Variants in ASIC2 observed in about 807,000 individuals in gnomAD.
ASIC2 encodes the protein acid sensing ion channel subunit 2.
A neutral mutation model predicts 57.3 loss-of-function variants in ASIC2; 25 were observed. That is an observed-to-expected ratio of 0.44 (90% CI 0.32 to 0.61). The LOEUF (loss-of-function observed/expected upper bound fraction) is 0.61, where lower values mean the gene tolerates loss of function less well. ASIC2 is among the 20% of genes least tolerant of loss of function. ASIC2 has a pLI of 0.06. For synonymous variants in ASIC2, 319 were observed against 307.5 expected, an observed-to-expected ratio of 1.04 and a Z score of -0.39; for missense variants, 641 against 738.1, an observed-to-expected ratio of 0.87 and a Z score of 1.52.
chr17:33,049,897 G>A (rs919673623), intron 3 of ASIC2, among the ~76,000 whole-genome samples: 3 of 152,146 alleles, frequency 2.0e-5, no homozygotes, highest in Non-Finnish European at 4.4e-5. Context: ...GGCAAGGTGG[G>A]TGGGACAGGG....
At chr17:33,287,226 A>C (rs1905229378) in intron 1 of ASIC2, among the ~76,000 whole-genome samples, 1 of 152,160 alleles carries the variant, frequency 6.6e-6, no homozygotes, top group Non-Finnish European at 1.5e-5. Flanking sequence ...AGGCTCATGG[A>C]GCAAAGTGTC....
At chr17:33,639,778 AG>A (rs1159333065) in intron 1 of ASIC2, among the ~76,000 whole-genome samples, 74 of 151,074 alleles carry the variant, frequency 4.9e-4, no homozygotes, top group African/African-American at 1.6e-3. Context: ...AAAAAAAAAA[AG>A]CGGAACAAAG....
chr17:34,064,767 CAT>C (rs1165822669), intron 1 of ASIC2, among the ~76,000 whole-genome samples: 2 of 152,146 alleles, frequency 1.3e-5, no homozygotes, highest in Non-Finnish European at 2.9e-5. Flanking sequence ...GCCCAACAAA[CAT>C]ATGAAAAAAT....
At chr17:33,246,229 G>A (rs1338940611) in intron 1 of ASIC2, among the ~76,000 whole-genome samples, 3 of 152,156 alleles carry the variant, frequency 2.0e-5, no homozygotes, top group East Asian at 1.9e-4. Context: ...ATGTGGTGGT[G>A]GGGGGAAGGG....
chr17:34,092,184 C>G (rs566085213), intron 1 of ASIC2, among the ~76,000 whole-genome samples: 3 of 152,274 alleles, frequency 2.0e-5, no homozygotes, highest in Non-Finnish European at 4.4e-5. Flanking sequence ...AACCTTTTGG[C>G]TCCGGGGCCA....
chr17:33,549,060 T>C (rs547242472), intron 1 of ASIC2, among the ~76,000 whole-genome samples: 1 of 152,270 alleles, frequency 6.6e-6, no homozygotes, highest in African/African-American at 2.4e-5. Context: ...TTTCCTCCAC[T>C]TGAACATATA....
intron 1 of ASIC2, among the ~76,000 whole-genome samples, chr17:33,775,584 G>A (rs944779120): frequency 2.6e-5 from 4 of 152,184 alleles, no homozygotes; most frequent in Non-Finnish European, 4.4e-5. Context: ...GGGTCCCATA[G>A]TGTGCATCTG....
At chr17:33,984,181 A>C (rs1006890268) in intron 1 of ASIC2, 1 of 152,080 alleles carries the variant, frequency 6.6e-6, no homozygotes, top group South Asian at 2.1e-4. Context: ...GGGAGTGGAC[A>C]CTCACCTTGA....
chr17:33,286,381 G>A (rs1178459408), intron 1 of ASIC2, among the ~76,000 whole-genome samples: 1 of 152,104 alleles, frequency 6.6e-6, no homozygotes, highest in Non-Finnish European at 1.5e-5. Context: ...ACACAGATGA[G>A]GTCTCTCTCC....
At chr17:33,668,806 T>TA (rs1338202727) in intron 1 of ASIC2, among the ~76,000 whole-genome samples, 4 of 152,206 alleles carry the variant, frequency 2.6e-5, no homozygotes, top group Non-Finnish European at 4.4e-5. Flanking sequence ...TGGTATACAG[T>TA]AAGTGTTCAT....
chr17:33,996,083 A>T lies in ASIC2; in HGVS notation c.555+159895T>A, dbSNP rs1906150593. The stretch of plus-strand genomic sequence containing the variant: ...ATATTTTATTGTGGTTTTTATTTGC[A>T]TTTCCTGGATGATTAGTGATGTTGA... On this transcript the variant is annotated intron_variant, in intron 1 of 9. Transcript: ENST00000359872. 2.0e-5 allele frequency among the ~76,000 whole-genome samples: 3 copies of T among 151,890 alleles called. No homozygotes were observed. The South Asian group carries it at 6.2e-4, about 32-fold the overall frequency.
intron 1 of ASIC2, among the ~76,000 whole-genome samples, chr17:34,142,051 G>A (rs182324061): frequency 1.1e-4 from 16 of 152,214 alleles, no homozygotes; most frequent in East Asian, 9.7e-4. Flanking sequence ...CAGGCCCGGG[G>A]GAATGAAGTA....
intron 1 of ASIC2, among the ~76,000 whole-genome samples, chr17:34,141,822 A>G (rs1427941423): frequency 6.6e-6 from 1 of 152,208 alleles, no homozygotes; most frequent in East Asian, 1.9e-4. Flanking sequence ...TGTAAGGGGC[A>G]CATTGCCTGA....
intron 1 of ASIC2, among the ~76,000 whole-genome samples, chr17:33,271,743 C>T (rs552535033): frequency 9.2e-5 from 14 of 152,222 alleles, no homozygotes; most frequent in Non-Finnish European, 1.6e-4. Flanking sequence ...CCTAACTTGT[C>T]ATCCAGCCTC....
intron 1 of ASIC2, among the ~76,000 whole-genome samples, chr17:33,407,208 C>T (rs903573733): frequency 6.6e-5 from 10 of 152,210 alleles, no homozygotes; most frequent in Non-Finnish European, 4.4e-5. Flanking sequence ...TAAGAGTTCT[C>T]TAAGAAAATC....
At chr17:33,153,893 C>A (rs186807154) in intron 1 of ASIC2, among the ~76,000 whole-genome samples, 1 of 152,196 alleles carries the variant, frequency 6.6e-6, no homozygotes, top group Non-Finnish European at 1.5e-5. Context: ...CTCTGAAGGG[C>A]CACTGAGATC....
At chr17:33,406,393 A>G (rs899374082) in intron 1 of ASIC2, among the ~76,000 whole-genome samples, 2 of 152,186 alleles carry the variant, frequency 1.3e-5, no homozygotes, top group Admixed American at 1.3e-4. Context: ...ATAAATAATG[A>G]TGGGTGGGCC....
intron 1 of ASIC2, among the ~76,000 whole-genome samples, chr17:33,534,882 TG>T (rs1326177086): frequency 6.6e-6 from 1 of 152,258 alleles, no homozygotes; most frequent in Non-Finnish European, 1.5e-5. Flanking sequence ...GGGGCTTATC[TG>T]GAAAATCAGG....
At chr17:33,353,665 C>A (rs926152296) in intron 1 of ASIC2, among the ~76,000 whole-genome samples, 11 of 152,148 alleles carry the variant, frequency 7.2e-5, no homozygotes, top group African/African-American at 2.7e-4. Flanking sequence ...TAAGGCCCAG[C>A]CAAATGTCAC....
Sources: allele counts gnomAD v4.1 joint callset (sites outside exome capture counted in the v4.1 genomes callset), GRCh38; gene constraint gnomAD v4.1.1; transcripts MANE v1.5; gene names NCBI Gene and HGNC (gene_info 2026-07-23, HGNC 2026-07-21).